Variants in LMO7 observed in about 807,000 individuals in gnomAD.
LMO7 encodes LIM domain 7.
In LMO7, 120 loss-of-function variants were observed where a neutral mutation model predicts 206.5. The ratio of observed to expected loss-of-function variants is 0.58; its 90% confidence interval spans 0.50 to 0.68. The LOEUF is 0.68. LMO7 is among the 30% of genes least tolerant of loss of function. The pLI is 0.00. For missense variants in LMO7, 1,959 were observed against 1,957.9 expected, an observed-to-expected ratio of 1.00 and a Z score of -0.01; for synonymous variants, 706 against 681.5, an observed-to-expected ratio of 1.04 and a Z score of -0.56.
At chr13:75,782,672 TC>T (rs910179581) in intron 4 of LMO7, among the ~76,000 whole-genome samples, 2 of 152,212 alleles carry the variant, frequency 1.3e-5, no homozygotes, top group African/African-American at 2.4e-5. Context: ...AGGGTTGGTT[TC>T]TTCTTGCAGC....
At chr13:75,647,956 T>C (rs2037198343) in intron 1 of LMO7, among the ~76,000 whole-genome samples, 1 of 139,808 alleles carries the variant, frequency 7.2e-6, no homozygotes, top group African/African-American at 2.6e-5. Context: ...TCTTTCTTTT[T>C]TTTTTTTTTT....
At chr13:75,636,310 C>T (rs931795087), upstream of LMO7, 5 of 1,094,372 alleles carry the variant, frequency 4.6e-6, no homozygotes, top group Non-Finnish European at 5.6e-6. Flanking sequence ...ACGGCGGCGG[C>T]GCTGCGACTT....
At chr13:75,746,830 C>T (rs1053459780) in intron 3 of LMO7, among the ~76,000 whole-genome samples, 10 of 151,980 alleles carry the variant, frequency 6.6e-5, no homozygotes, top group Admixed American at 3.3e-4. Context: ...AAAAAGTGGA[C>T]CAGATAACAC....
At chr13:75,734,109 C>G (rs375317656) in intron 3 of LMO7, among the ~76,000 whole-genome samples, 5 of 152,182 alleles carry the variant, frequency 3.3e-5, no homozygotes, top group African/African-American at 1.2e-4. Flanking sequence ...TTGCACAAGT[C>G]TCTGTCTTTC....
chr13:75,821,488 T>G lies in LMO7; in HGVS notation c.2519T>G (p.Val840Gly), dbSNP rs769212810. Reference sequence around the variant, plus strand: ...AGCACACAAATGGAATCAACTCGTGTTTCAGCTTCTCTCCCCAGAAGTTAC... The same window carrying G: ...AGCACACAAATGGAATCAACTCGTGGTTCAGCTTCTCTCCCCAGAAGTTAC... ...SRSTQMESTR[V>G]SASLPRSYRK... The change falls in exon 14 of 31, where the codon GTT becomes GGT. Residue 840 changes from valine to glycine, a missense_variant. By Grantham distance (109) the Val-to-Gly change is moderately radical. Transcript: ENST00000377534. 6.2e-7 allele frequency: 1 copy of G among 1,614,170 alleles called. No homozygotes were observed. The highest frequency in any genetic ancestry group is 8.5e-7 in the Non-Finnish European group (1 of 1,180,014).
chr13:75,808,606 A>G (rs2055876907), intron 10 of LMO7, among the ~76,000 whole-genome samples: 1 of 152,212 alleles, frequency 6.6e-6, no homozygotes, highest in South Asian at 2.1e-4. Flanking sequence ...TTCCCTTAAA[A>G]TATGGCATTG....
chr13:75,766,240 T>G (rs1468917455), intron 4 of LMO7, among the ~76,000 whole-genome samples: 1 of 58,544 alleles, frequency 1.7e-5, no homozygotes, highest in African/African-American at 1.0e-4. Context: ...CCTCAGTCTT[T>G]TTTTTTTTTT....
chr13:75,767,847 TAGAC>T (rs937883348), intron 4 of LMO7, among the ~76,000 whole-genome samples: 8 of 152,074 alleles, frequency 5.3e-5, no homozygotes, highest in African/African-American at 1.9e-4. Context: ...TGAATGACCT[TAGAC>T]AGATTACTTT....
intron 1 of LMO7, among the ~76,000 whole-genome samples, chr13:75,679,980 T>C (rs1393092324): frequency 3.9e-5 from 6 of 152,114 alleles, no homozygotes; most frequent in Admixed American, 1.3e-4. Context: ...ACGTGTGCCA[T>C]GGTAGTTTGC....
At chr13:75,832,266 A>G (rs1469799595) in intron 15 of LMO7, among the ~76,000 whole-genome samples, 1 of 152,170 alleles carries the variant, frequency 6.6e-6, no homozygotes, top group African/African-American at 2.4e-5. Context: ...GTTCCATGAA[A>G]TTTGGAATTT....
In LMO7 at chr13:75,859,370, C is replaced by T. The variant is rs939339321; in HGVS notation, c.*1427C>T. 5 of 152,206 alleles carry T rather than the reference C, an allele frequency of 3.3e-5. No individual in the cohort carries two copies. The highest frequency in any genetic ancestry group is 2.6e-4 in the Admixed American group (4 of 15,294). 9.4% of individuals were successfully genotyped at this position (152,206 alleles called of 1,614,324 possible). ...GAATCCCAAATTCCAAAGACAAGAACTCTGTGTTTGAATTCATTCTGCATA... is the reference window on the plus strand; with the variant it reads ...GAATCCCAAATTCCAAAGACAAGAATTCTGTGTTTGAATTCATTCTGCATA... On this transcript the variant is annotated 3_prime_UTR_variant, in exon 31 of 31. Transcript: ENST00000377534.
At chr13:75,768,929 A>G (rs895896485) in intron 4 of LMO7, among the ~76,000 whole-genome samples, 1 of 152,014 alleles carries the variant, frequency 6.6e-6, no homozygotes, top group Non-Finnish European at 1.5e-5. Flanking sequence ...AATCTTGATT[A>G]TGTTATTTGA....
At chr13:75,626,595 A>ATATATTTTTTT in intron 2 of LMO7, among the ~76,000 whole-genome samples, 1 of 71,100 alleles carries the variant, frequency 1.4e-5, no homozygotes, top group Non-Finnish European at 3.6e-5. Context: ...ATATATATAA[A>ATATATTTTTTT]TTTTTTTGAG....
At chr13:75,677,861 C>T (rs950436457) in intron 1 of LMO7, among the ~76,000 whole-genome samples, 1 of 136,494 alleles carries the variant, frequency 7.3e-6, no homozygotes, top group Non-Finnish European at 1.5e-5. Context: ...TCTCATTGTT[C>T]AATTCCCACC....
chr13:75,750,073 T>G (rs1382455786), intron 3 of LMO7, among the ~76,000 whole-genome samples: 1 of 151,452 alleles, frequency 6.6e-6, no homozygotes, highest in Non-Finnish European at 1.5e-5. Context: ...AAAAAACCAG[T>G]GCTGGCACAT....
At chr13:75,679,247 G>C (rs1473141079) in intron 1 of LMO7, among the ~76,000 whole-genome samples, 3 of 152,152 alleles carry the variant, frequency 2.0e-5, no homozygotes, top group Non-Finnish European at 4.4e-5. Context: ...AATATTTACT[G>C]TCTTCTATAT....
At chr13:75,726,921 A>T in intron 2 of LMO7, 108 bp from the exon 3 acceptor site, 3 of 703,804 alleles carry the variant, frequency 4.3e-6, no homozygotes, top group Non-Finnish European at 7.8e-6. Flanking sequence ...GGCTCTCTGT[A>T]TAACACATTG....
chr13:75,800,672 C>T lies in LMO7; in HGVS notation c.463-12C>T, dbSNP rs767833069. The T allele has an allele frequency of 2.0e-5, 33 of 1,611,270 alleles. No homozygotes were observed. Among genetic ancestry groups the T allele is most frequent in the East Asian group, 4.5e-5 (2 of 44,862 alleles). On this transcript the variant is annotated splice_polypyrimidine_tract_variant and intron_variant, in intron 6 of 30. Coordinates refer to ENST00000377534, the MANE Select transcript of LMO7 (RefSeq NM_001306080.2). ...ATTTAACTTACTATTCTTTAAAAAA[C>T]GTTTTCTTTAGGCACTCGAAGACTC...
intron 4 of LMO7, among the ~76,000 whole-genome samples, chr13:75,766,521 T>C (rs939563773): frequency 2.7e-5 from 4 of 150,242 alleles, no homozygotes; most frequent in Admixed American, 2.7e-4. Flanking sequence ...TACACAGACA[T>C]AGATAAGATG....
Sources: gnomAD v4.1 joint callset for allele counts (sites outside exome capture counted in the v4.1 genomes callset) on GRCh38, gnomAD v4.1.1 for gene constraint, MANE v1.5 for transcripts, NCBI Gene and HGNC (gene_info 2026-07-23, HGNC 2026-07-21) for gene names.